Variants in HEATR6 observed in about 807,000 individuals in gnomAD.
HEATR6 encodes HEAT repeat containing 6, also known as HEAT repeat-containing protein 6.
In HEATR6, 106 loss-of-function variants were observed where a neutral mutation model predicts 132.8. The observed-to-expected ratio is 0.80, with a 90% confidence interval of 0.68 to 0.94. The LOEUF (loss-of-function observed/expected upper bound fraction) is 0.94, where lower values mean the gene tolerates loss of function less well. Among genes scored for constraint, HEATR6 ranks in the 40% least tolerant of loss-of-function variants. The probability of loss-of-function intolerance (pLI) is 0.00; values close to 1 mark genes in which losing one functional copy is unlikely to be tolerated. For synonymous variants in HEATR6, 529 were observed against 537.8 expected (o/e 0.98, Z 0.23); for missense variants, 1,339 against 1,425.1 (o/e 0.94, Z 0.97).
At chr17:60,067,768 C>T in intron 7 of HEATR6, 36 bp from the exon 8 acceptor site, 1 of 1,531,704 alleles carries the variant, frequency 6.5e-7, no homozygotes, top group Non-Finnish European at 8.9e-7. Flanking sequence ...TATATAATAA[C>T]TACTTCAGAA....
Position 60,043,910 on chromosome 17 carries a change from T to C in HEATR6, c.3199A>G (p.Ser1067Gly), listed in dbSNP as rs750224285. ...GCCTGGCAGATTTGGGTCCGTAGGC[T>C]GACACAGTACTTGAATTCCAAAAAG... ...IDFLEFKYCV[S>G]LRTQICQALI... Residue 1067 changes from serine (S) to glycine (G), a missense_variant, in exon 20 of 20, where the codon AGC becomes GGC. Physicochemically the swap from Ser to Gly is moderately conservative, Grantham distance 56 (BLOSUM62 0). Transcript: ENST00000184956. 1.9e-6 allele frequency: 3 copies of C among 1,614,186 alleles called. No individual in the cohort carries two copies. The highest frequency in any genetic ancestry group is 2.2e-5 in the South Asian group (2 of 91,084).
At chr17:60,055,313 A>C (rs1009410415) in intron 14 of HEATR6, among the ~76,000 whole-genome samples, 1 of 152,236 alleles carries the variant, frequency 6.6e-6, no homozygotes, top group Admixed American at 6.5e-5. Context: ...GTTATACATA[A>C]GCCTACCACA....
chr17:60,056,902 C>A (rs1906760153), intron 12 of HEATR6, 146 bp downstream of exon 12: 1 of 587,594 alleles, frequency 1.7e-6, no homozygotes, highest in Non-Finnish European at 2.9e-6. Flanking sequence ...AAAACAACAA[C>A]AAAACAATAC....
chr17:60,051,093 C>A, intron 14 of HEATR6, 116 bp from the exon 15 acceptor site: 1 of 1,122,368 alleles, frequency 8.9e-7, no homozygotes, highest in East Asian at 2.6e-5. Context: ...TAGCAGCTTT[C>A]TGTAAGTGTT....
chr17:60,066,178 A>C, intron 9 of HEATR6, 31 bp downstream of exon 9: 1 of 1,568,294 alleles, frequency 6.4e-7, no homozygotes, highest in Non-Finnish European at 8.7e-7. Flanking sequence ...TTTTCTTCCT[A>C]TTATAAAGCT....
At position 60,056,250 on chromosome 17, in the gene HEATR6, C is replaced by T. The variant is rs769955398; in HGVS notation, c.2080-13G>A. On this transcript the variant is annotated splice_polypyrimidine_tract_variant and intron_variant, in intron 12 of 19. Coordinates refer to ENST00000184956, the MANE Select transcript of HEATR6 (RefSeq NM_022070.5). The stretch of plus-strand genomic sequence containing the variant: ...GAAGAGTCAATACCTGCAAAGAGAG[C>T]ATGGAATTAACCCTCTAAGACCTGA... 1 of 1,611,418 alleles carries T rather than the reference C, an allele frequency of 6.2e-7. No individual in the cohort carries two copies. Among genetic ancestry groups the T allele is most frequent in the Non-Finnish European group, 8.5e-7 (1 of 1,178,902 alleles).
At chr17:60,065,288 A>T (rs2083234692) in intron 9 of HEATR6, among the ~76,000 whole-genome samples, 1 of 152,212 alleles carries the variant, frequency 6.6e-6, no homozygotes. Flanking sequence ...CTGATGGGTC[A>T]TCCAGAAATT....
intron 17 of HEATR6, 64 bp downstream of exon 17, chr17:60,048,200 G>T: frequency 7.7e-6 from 12 of 1,552,492 alleles, no homozygotes; most frequent in Non-Finnish European, 1.1e-5. Flanking sequence ...GGTAGAGATC[G>T]AGGACATTCT....
intron 9 of HEATR6, among the ~76,000 whole-genome samples, chr17:60,060,703 A>G (rs1423114176): frequency 1.3e-5 from 2 of 152,226 alleles, no homozygotes; most frequent in African/African-American, 2.4e-5. Flanking sequence ...TGTGTGTTCA[A>G]TGTTAACTTA....
chr17:60,078,390 TG>T (rs1328748327), intron 1 of HEATR6, among the ~76,000 whole-genome samples: 1 of 152,184 alleles, frequency 6.6e-6, no homozygotes, highest in African/African-American at 2.4e-5. Flanking sequence ...CCAAGTGTTC[TG>T]GGTGCACAGA....
At chr17:60,070,125 A>C (rs1265527587) in intron 6 of HEATR6, among the ~76,000 whole-genome samples, 2 of 152,208 alleles carry the variant, frequency 1.3e-5, no homozygotes, top group Non-Finnish European at 2.9e-5. Flanking sequence ...TTATTTATAA[A>C]ATTTATCCAA....
rs1425183769 is a variant in HEATR6 at position 60,041,087 on chromosome 17, C to T, written c.*2476G>A. Among the ~76,000 whole-genome samples, 1 of 152,164 alleles carries T rather than the reference C, an allele frequency of 6.6e-6. No homozygotes were observed. Among genetic ancestry groups the T allele is most frequent in the East Asian group, 1.9e-4 (1 of 5,200 alleles). ...TCCCCACAGCAGCTTTATGGAGGCA[C>T]GTGCCCAGGCATATGAGGAGCTTCT... On this transcript the variant is annotated 3_prime_UTR_variant, in exon 20 of 20. Transcript: ENST00000184956.
At chr17:60,070,907 T>A in intron 5 of HEATR6, 100 bp from the exon 6 acceptor site, 2 of 679,662 alleles carry the variant, frequency 2.9e-6, no homozygotes, top group Non-Finnish European at 2.7e-6. Flanking sequence ...AGACAGTCTC[T>A]AGATGATGAA....
Position 60,048,323 on chromosome 17 carries a change from A to C in HEATR6, c.2613T>G (p.Asn871Lys). ...ILMSLEDKSL[N>K]VRAKAAWSLG... ...GGGACCAGGCTGCTTTGGCTCGAAC[A>C]TTCAGAGACTTGTCTTCAAGTGACA... Residue 871 changes from asparagine to lysine, a missense_variant, in exon 17 of 20, where the codon AAT (asparagine) becomes AAG (lysine). Coordinates refer to ENST00000184956, the MANE Select transcript of HEATR6 (RefSeq NM_022070.5). The C allele has an allele frequency of 6.2e-7, 1 of 1,613,774 alleles. No homozygotes were observed. The highest frequency in any genetic ancestry group is 8.5e-7 in the Non-Finnish European group (1 of 1,179,728).
intron 14 of HEATR6, among the ~76,000 whole-genome samples, chr17:60,055,113 G>A (rs1052937806): frequency 2.6e-5 from 4 of 152,028 alleles, no homozygotes; most frequent in Non-Finnish European, 5.9e-5. Flanking sequence ...TTACTCTCTT[G>A]CCATATGACA....
rs780084577 is a variant in HEATR6, at chr17:60,066,275, C to T, written c.1350G>A (p.Thr450=). 1.1e-5 allele frequency: 18 copies of T among 1,613,688 alleles called. No individual in the cohort carries two copies. Among genetic ancestry groups the T allele is most frequent in the African/African-American group, 1.3e-5 (1 of 74,824 alleles). Reference sequence around the variant, plus strand: ...CTGACTGTGGGCTGCCAAGTTCAGGCGTATCAGGAATAAAAGCTGACCAGT... The same window carrying T: ...CTGACTGTGGGCTGCCAAGTTCAGGTGTATCAGGAATAAAAGCTGACCAGT... ...YGYWSAFIPD[T]PELGSPQSVS... The change falls in exon 9 of 20, where the codon ACG becomes ACA. Residue 450 remains threonine, a synonymous_variant. Coordinates refer to ENST00000184956, the MANE Select transcript of HEATR6 (RefSeq NM_022070.5).
chr17:60,067,623 C>A lies in HEATR6; in HGVS notation c.1049G>T (p.Arg350Ile). 6.2e-7 allele frequency: 1 copy of A among 1,612,568 alleles called. No individual in the cohort carries two copies. The stretch of plus-strand genomic sequence containing the variant: ...AGTGTTCCCTTCATGCAGGTTCACT[C>A]TGCCTGTGCCAGTGACTGGGGCTGC... ...IEAAPVTGTGRVNLHEGNTWC... is the reference protein window; with the variant it reads ...IEAAPVTGTGIVNLHEGNTWC... The change falls in exon 8 of 20, where the codon AGA (arginine) becomes ATA (isoleucine). Residue 350 changes from arginine (R) to isoleucine (I), a missense_variant. Physicochemically the swap from Arg to Ile is moderately conservative, Grantham distance 97 (BLOSUM62 -3). Transcript: ENST00000184956.
At chr17:60,076,293 C>A in intron 1 of HEATR6, 56 bp from the exon 2 acceptor site, 6 of 843,696 alleles carry the variant, frequency 7.1e-6, no homozygotes, top group South Asian at 1.6e-5. Flanking sequence ...TGAAGATCCT[C>A]AAAACACAGC....
At chr17:60,051,120 CCA>C (rs1406730189) in intron 14 of HEATR6, 143 bp from the exon 15 acceptor site, 1 of 895,924 alleles carries the variant, frequency 1.1e-6, no homozygotes, top group African/African-American at 1.7e-5. Flanking sequence ...GGTTCTTCTT[CCA>C]CAGTGATGTA....
Sources: gnomAD v4.1 joint callset for allele counts (sites outside exome capture counted in the v4.1 genomes callset) on GRCh38, gnomAD v4.1.1 for gene constraint, MANE v1.5 for transcripts, NCBI Gene and HGNC (gene_info 2026-07-23, HGNC 2026-07-21) for gene names.